The following GNG4 variants were observed in gnomAD, a reference collection of about 807,000 sequenced individuals.
GNG4 encodes the protein guanine nucleotide-binding protein G(I)/G(S)/G(O) subunit gamma-4.
Under a neutral mutation model 5.8 loss-of-function variants are expected in GNG4, and 4 were observed. The ratio of observed to expected loss-of-function variants is 0.69; its 90% CI spans 0.34 to 1.57. The LOEUF is 1.57. Among genes scored for constraint, GNG4 ranks in the 40% most tolerant of loss-of-function variants. GNG4 has a pLI of 0.06. For synonymous variants in GNG4, 29 were observed against 32.9 expected (o/e 0.88, Z 0.41); for missense variants, 96 against 95.1 (o/e 1.01, Z -0.04).
At chr1:235,631,866 C>A (rs955533620) in intron 1 of GNG4, among the ~76,000 whole-genome samples, 1 of 152,174 alleles carries the variant, frequency 6.6e-6, no homozygotes, top group Non-Finnish European at 1.5e-5. Context: ...CCGCGCCTGG[C>A]CAGTTTTTTC....
At chr1:235,609,319 C>T (rs78778116) in intron 1 of GNG4, among the ~76,000 whole-genome samples, 3,088 of 152,192 alleles carry the variant, frequency 0.02, 48 homozygotes, top group East Asian at 0.07. Flanking sequence ...AATGCTGCCA[C>T]GAACATGTAT....
At chr1:235,638,865 A>G (rs1358267902) in intron 1 of GNG4, among the ~76,000 whole-genome samples, 1 of 103,992 alleles carries the variant, frequency 9.6e-6, no homozygotes, top group Non-Finnish European at 2.4e-5. Context: ...ATAGTAATCC[A>G]TGGTGTATAT....
intron 3 of GNG4, among the ~76,000 whole-genome samples, chr1:235,579,061 C>T (rs1321455954): frequency 1.3e-5 from 2 of 148,664 alleles, no homozygotes; most frequent in Non-Finnish European, 3.0e-5. Context: ...CATGCCACTG[C>T]ACTCCAGCCT....
intron 2 of GNG4, among the ~76,000 whole-genome samples, chr1:235,593,430 C>T (rs1240447463): frequency 6.6e-6 from 1 of 152,166 alleles, no homozygotes; most frequent in African/African-American, 2.4e-5. Flanking sequence ...GCCATCCTCC[C>T]CAACTACGAC....
At chr1:235,562,674 A>AAAAAAAAAAAAG (rs1687098402) in intron 3 of GNG4, among the ~76,000 whole-genome samples, 2 of 120,536 alleles carry the variant, frequency 1.7e-5, no homozygotes, top group African/African-American at 3.6e-5. Context: ...AAAAAAAAAG[A>AAAAAAAAAAAAG]AAAAAAAAAA....
intron 3 of GNG4, among the ~76,000 whole-genome samples, chr1:235,567,149 G>T (rs895082583): frequency 6.6e-6 from 1 of 151,770 alleles, no homozygotes. Flanking sequence ...TCCCAGACTG[G>T]TCTCAAACTC....
chr1:235,593,573 G>A (rs186735529), intron 2 of GNG4, among the ~76,000 whole-genome samples: 1 of 152,234 alleles, frequency 6.6e-6, no homozygotes, highest in South Asian at 2.1e-4. Flanking sequence ...TGAAGCTGCG[G>A]ACCCGCGCCG....
At chr1:235,601,558 T>C (rs1005372367) in intron 1 of GNG4, among the ~76,000 whole-genome samples, 1 of 152,178 alleles carries the variant, frequency 6.6e-6, no homozygotes, top group Non-Finnish European at 1.5e-5. Flanking sequence ...GATGTATAAA[T>C]AAGCAATGAT....
intron 1 of GNG4, among the ~76,000 whole-genome samples, chr1:235,641,432 C>T (rs980680004): frequency 4.6e-5 from 7 of 151,966 alleles, no homozygotes; most frequent in Non-Finnish European, 1.0e-4. Context: ...GGCTCACGCC[C>T]GTAATCCCAG....
chr1:235,650,127 GC>G (rs1347773935), upstream of GNG4: 3 of 149,358 alleles, frequency 2.0e-5, no homozygotes, highest in African/African-American at 4.9e-5. Context: ...CCGGGCCCGC[GC>G]CCCCCGCCCG....
At chr1:235,575,546 T>C (rs1468365136) in intron 3 of GNG4, among the ~76,000 whole-genome samples, 2 of 152,238 alleles carry the variant, frequency 1.3e-5, no homozygotes, top group African/African-American at 2.4e-5. Flanking sequence ...CTCACAAAAT[T>C]AATCTCAGCC....
chr1:235,623,778 C>T (rs946840471), intron 1 of GNG4, among the ~76,000 whole-genome samples: 1 of 152,182 alleles, frequency 6.6e-6, no homozygotes, highest in Non-Finnish European at 1.5e-5. Flanking sequence ...CCCCCCTCAT[C>T]ATGCTGTCTC....
At chr1:235,586,358 G>A (rs1381153219) in intron 2 of GNG4, among the ~76,000 whole-genome samples, 1 of 152,078 alleles carries the variant, frequency 6.6e-6, no homozygotes, top group East Asian at 1.9e-4. Context: ...CCTTGTGCCA[G>A]TCTGTGTGTG....
chr1:235,599,277 A>C (rs1006401810), intron 1 of GNG4, among the ~76,000 whole-genome samples: 4 of 151,508 alleles, frequency 2.6e-5, no homozygotes, highest in African/African-American at 7.3e-5. Flanking sequence ...CTACGAAGTC[A>C]AATCTGCGGG....
rs1686707814 is a variant in GNG4 at position 235,550,299 on chromosome 1, G to C, written c.*1810C>G. 1 of 152,196 alleles carries C rather than the reference G, an allele frequency of 6.6e-6. No homozygotes were observed. Among genetic ancestry groups the C allele is most frequent in the Non-Finnish European group, 1.5e-5 (1 of 68,042 alleles). The allele number at this position is 152,196 out of a possible 1,614,324, so 9.4% of individuals were successfully genotyped here. A position where few individuals can be genotyped will look rare whatever the true frequency, so the allele number is the denominator to read the frequency against. Reference sequence around the variant, plus strand: ...GAAGTGAAGTGTGCCACGGGTTACTGCAACAAAGGTGTTTGCTTCACGGTG... The same window carrying C: ...GAAGTGAAGTGTGCCACGGGTTACTCCAACAAAGGTGTTTGCTTCACGGTG... On this transcript the variant is annotated 3_prime_UTR_variant, in exon 4 of 4. Coordinates refer to ENST00000391854, the MANE Select transcript of GNG4 (RefSeq NM_001098722.2).
intron 1 of GNG4, among the ~76,000 whole-genome samples, chr1:235,640,059 AG>A (rs1657276657): frequency 2.0e-5 from 3 of 152,098 alleles, no homozygotes; most frequent in Admixed American, 6.5e-5. Flanking sequence ...GCTCTGACAG[AG>A]GCAGCTCTTC....
At chr1:235,553,759 G>A (rs551311736) in intron 3 of GNG4, among the ~76,000 whole-genome samples, 150 of 152,240 alleles carry the variant, frequency 9.9e-4, no homozygotes, top group Non-Finnish European at 1.7e-3. Flanking sequence ...AATGAGTTCC[G>A]GTGAACATCA....
chr1:235,620,726 A>T (rs10926282), intron 1 of GNG4, among the ~76,000 whole-genome samples: 1 of 151,866 alleles, frequency 6.6e-6, no homozygotes, highest in Non-Finnish European at 1.5e-5. Flanking sequence ...TAGTAGAGAC[A>T]GGGTTTCACC....
At chr1:235,611,288 C>T (rs1422635922) in intron 1 of GNG4, among the ~76,000 whole-genome samples, 1 of 151,858 alleles carries the variant, frequency 6.6e-6, no homozygotes, top group Non-Finnish European at 1.5e-5. Context: ...CCACCTCAGC[C>T]ACCTGAGTAG....
Sources: allele counts gnomAD v4.1 joint callset (sites outside exome capture counted in the v4.1 genomes callset), GRCh38; gene constraint gnomAD v4.1.1; transcripts MANE v1.5; gene names NCBI Gene and HGNC (gene_info 2026-07-23, HGNC 2026-07-21).